Variants in GCG observed in about 807,000 individuals in gnomAD.
GCG encodes the protein glucagon, also known as pro-glucagon.
GCG carries 11 observed loss-of-function variants against 22.8 expected under a neutral mutation model. That is an observed-to-expected ratio of 0.48 (90% CI 0.30 to 0.80). GCG has a LOEUF of 0.80. GCG is among the 30% of genes least tolerant of loss of function. The pLI, the probability that GCG is intolerant of heterozygous loss-of-function variation, is 0.06. For synonymous variants in GCG, 89 were observed against 72.4 expected, an observed-to-expected ratio of 1.23 and a Z score of -1.16; for missense variants, 222 against 222.0, an observed-to-expected ratio of 1.00 and a Z score of 0.00.
intron 2 of GCG, 44 bp from the exon 3 acceptor site, chr2:162,147,558 A>T: frequency 6.4e-7 from 1 of 1,559,262 alleles, no homozygotes; most frequent in Non-Finnish European, 8.8e-7. Context: ...TCTCCTCAAG[A>T]GTAGACTCAC....
intron 5 of GCG, 65 bp downstream of exon 5, chr2:162,143,962 A>G: frequency 2.9e-6 from 4 of 1,374,262 alleles, no homozygotes; most frequent in Non-Finnish European, 4.1e-6. Context: ...AACAGCTTGC[A>G]GCAGTATGAC....
At chr2:162,147,849 A>G (rs995896279) in intron 2 of GCG, among the ~76,000 whole-genome samples, 1 of 152,144 alleles carries the variant, frequency 6.6e-6, no homozygotes, top group Non-Finnish European at 1.5e-5. Flanking sequence ...GAATATTTTA[A>G]AAGAGTGAAG....
intron 1 of GCG, 89 bp from the exon 2 acceptor site, chr2:162,149,276 A>G (rs1686774854): frequency 1.4e-6 from 1 of 713,936 alleles, no homozygotes; most frequent in East Asian, 2.5e-5. Context: ...TTGACTAGAT[A>G]AATATCATAA....
chr2:162,147,385 A>G lies in GCG; in HGVS notation c.222T>C (p.Phe74=), dbSNP rs998067355. 5.6e-6 allele frequency: 9 copies of G among 1,613,184 alleles called. No homozygotes were observed. The highest frequency in any genetic ancestry group is 6.8e-6 in the Non-Finnish European group (8 of 1,179,404). ...KYLDSRRAQD[F]VQWLMNTKRN... Reference sequence around the variant, plus strand: ...TCTTGGTATTCATCAACCACTGCACAAAATCTTGGGCACGCCTGGAGTCCA... The same window carrying G: ...TCTTGGTATTCATCAACCACTGCACGAAATCTTGGGCACGCCTGGAGTCCA... Residue 74 remains phenylalanine (F), a synonymous_variant, in exon 3 of 6, where the codon TTT becomes TTC. Transcript: ENST00000418842.
intron 2 of GCG, among the ~76,000 whole-genome samples, chr2:162,148,424 A>G (rs1686749380): frequency 6.6e-6 from 1 of 152,124 alleles, no homozygotes; most frequent in Admixed American, 6.6e-5. Flanking sequence ...TAGCTAAACA[A>G]ATATTGTACA....
intron 3 of GCG, 80 bp from the exon 4 acceptor site, chr2:162,145,757 G>A (rs1186460189): frequency 6.6e-6 from 8 of 1,213,238 alleles, no homozygotes; most frequent in Non-Finnish European, 9.4e-6. Flanking sequence ...GGCAACTTTG[G>A]GTTCAGGATT....
intron 1 of GCG, among the ~76,000 whole-genome samples, chr2:162,150,643 T>G (rs2106198505): frequency 6.6e-6 from 1 of 152,282 alleles, no homozygotes. Flanking sequence ...TGATTATAAC[T>G]CTCAATTGTT....
At chr2:162,151,420 T>C (rs571834462) in intron 1 of GCG, among the ~76,000 whole-genome samples, 2 of 152,134 alleles carry the variant, frequency 1.3e-5, no homozygotes, top group African/African-American at 4.8e-5. Context: ...ATTTGTTTTT[T>C]GTCTCTAGGA....
intron 4 of GCG, chr2:162,144,859 G>C (rs1342197413): frequency 6.6e-6 from 1 of 151,800 alleles, no homozygotes; most frequent in African/African-American, 2.4e-5. Context: ...ATGGTTCAGG[G>C]GTCTGTTTGG....
rs764756307 is a variant in GCG at position 162,147,343 on chromosome 2, A to G, written c.254+10T>C. The G allele has an allele frequency of 6.2e-7, 1 of 1,607,564 alleles. No homozygotes were observed. The highest frequency in any genetic ancestry group is 8.5e-7 in the Non-Finnish European group (1 of 1,174,830). On this transcript the variant is annotated intron_variant, in intron 3 of 5. Transcript: ENST00000418842. The stretch of plus-strand genomic sequence containing the variant: ...TATAAGCAAGTTTTGAGCCAGGCTT[A>G]GACTCTTACCTGTTCCTCTTGGTAT...
At chr2:162,143,852 A>G in intron 5 of GCG, 175 bp downstream of exon 5, 1 of 638,028 alleles carries the variant, frequency 1.6e-6, no homozygotes, top group Non-Finnish European at 2.8e-6. Flanking sequence ...ACAAACTGTA[A>G]TGATACAAAA....
Position 162,144,144 on chromosome 2 carries a change from T to C in GCG, c.419A>G (p.Glu140Gly). 6.2e-7 allele frequency: 1 copy of C among 1,612,056 alleles called. No individual in the cohort carries two copies. The highest frequency in any genetic ancestry group is 8.5e-7 in the Non-Finnish European group (1 of 1,178,210). ...ATCAGCATGTCTGCGGCCAAGTTCT[T>C]CAACAATGGCGACCTCTTCTGGGAA... ...RDFPEEVAIVEELGRRHADGS... is the reference protein window; with the variant it reads ...RDFPEEVAIVGELGRRHADGS... Residue 140 changes from glutamate to glycine, a missense_variant, in exon 5 of 6, where the codon GAA becomes GGA. Transcript: ENST00000418842.
intron 3 of GCG, 23 bp from the exon 4 acceptor site, chr2:162,145,700 A>G (rs1014928508): frequency 2.5e-6 from 4 of 1,603,746 alleles, no homozygotes; most frequent in Non-Finnish European, 3.4e-6. Flanking sequence ...TGAAAGTTAA[A>G]TTGAAGATCT....
At chr2:162,147,883 A>G (rs1427637167) in intron 2 of GCG, among the ~76,000 whole-genome samples, 1 of 152,164 alleles carries the variant, frequency 6.6e-6, no homozygotes, top group Non-Finnish European at 1.5e-5. Flanking sequence ...TTCTTTGGGC[A>G]GCAGATTTAA....
At chr2:162,145,872 A>G (rs1357697337) in intron 3 of GCG, among the ~76,000 whole-genome samples, 195 bp from the exon 4 acceptor site, 1 of 152,078 alleles carries the variant, frequency 6.6e-6, no homozygotes, top group African/African-American at 2.4e-5. Context: ...GAGAGCTAAT[A>G]ACAATCGGTG....
At chr2:162,147,181 G>T (rs778199918) in intron 3 of GCG, among the ~76,000 whole-genome samples, 172 bp downstream of exon 3, 1 of 152,114 alleles carries the variant, frequency 6.6e-6, no homozygotes, top group Non-Finnish European at 1.5e-5. Flanking sequence ...TGCGGGTTAA[G>T]ACATTCGGGG....
chr2:162,143,445 T>G (rs1182057386), intron 5 of GCG, 75 bp from the exon 6 acceptor site: 2 of 611,078 alleles, frequency 3.3e-6, no homozygotes, highest in Admixed American at 3.0e-5. Flanking sequence ...AGAAAATATT[T>G]CAATGATTTA....
intron 2 of GCG, among the ~76,000 whole-genome samples, chr2:162,148,615 T>C (rs1369134831): frequency 6.6e-6 from 1 of 152,148 alleles, no homozygotes; most frequent in Admixed American, 6.6e-5. Flanking sequence ...TACACCAAAT[T>C]TGTTTACTTT....
chr2:162,144,296 G>T (rs1347621552), intron 4 of GCG, 126 bp from the exon 5 acceptor site: 12 of 761,544 alleles, frequency 1.6e-5, no homozygotes, highest in Non-Finnish European at 2.6e-5. Context: ...TTTTTAAAGG[G>T]TGTACTGTGA....
Sources: allele counts gnomAD v4.1 joint callset (sites outside exome capture counted in the v4.1 genomes callset), GRCh38; gene constraint gnomAD v4.1.1; transcripts MANE v1.5; gene names NCBI Gene and HGNC (gene_info 2026-07-23, HGNC 2026-07-21).